CA10: variants seen among roughly 807,000 people sequenced by gnomAD.
CA10 encodes carbonic anhydrase-related protein 10.
A neutral mutation model predicts 44.2 loss-of-function variants in CA10; 14 were observed. The ratio of observed to expected loss-of-function variants is 0.32; its 90% CI spans 0.21 to 0.50. The LOEUF (loss-of-function observed/expected upper bound fraction) is 0.50. Ranked by LOEUF, CA10 falls within the 20% of genes least tolerant of loss-of-function variation. The pLI, the probability that CA10 is intolerant of heterozygous loss-of-function variation, is 0.99. For missense variants in CA10, 350 were observed against 409.7 expected (o/e 0.85, Z 1.26); for synonymous variants, 159 against 141.6 (o/e 1.12, Z -0.87).
chr17:52,143,851 A>G (rs1027132140), intron 1 of CA10, among the ~76,000 whole-genome samples: 2 of 152,198 alleles, frequency 1.3e-5, no homozygotes, highest in African/African-American at 4.8e-5. Flanking sequence ...AAAAGCTCTA[A>G]AGCAGGCTCC....
chr17:52,045,686 T>C (rs375515990), intron 2 of CA10, among the ~76,000 whole-genome samples: 13 of 152,062 alleles, frequency 8.5e-5, no homozygotes, highest in African/African-American at 3.1e-4. Context: ...CCTCATTAAA[T>C]AATTGACATA....
intron 3 of CA10, among the ~76,000 whole-genome samples, chr17:51,784,496 C>A (rs1316093168): frequency 6.6e-6 from 1 of 152,336 alleles, no homozygotes; most frequent in African/African-American, 2.4e-5. Context: ...CACTAACCGA[C>A]CTCTGTTTAT....
At chr17:51,930,344 G>A (rs750959842) in intron 3 of CA10, among the ~76,000 whole-genome samples, 13 of 152,032 alleles carry the variant, frequency 8.6e-5, no homozygotes, top group African/African-American at 3.1e-4. Flanking sequence ...AGCAAGAGAA[G>A]TGCTAAGATT....
chr17:51,919,714 C>T (rs997576835), intron 3 of CA10, among the ~76,000 whole-genome samples: 21 of 152,248 alleles, frequency 1.4e-4, no homozygotes, highest in African/African-American at 3.8e-4. Flanking sequence ...TGCAGTGGCA[C>T]GATCTCTGCT....
rs557998818 is a variant in CA10, at chr17:51,668,654, T to C, written c.466-14918A>G. ...GCTCGCTCTCGGGACCTCCTCGGCCTCTGCATCCACTCTGGCCACACTTGA... is the reference window on the plus strand; with the variant it reads ...GCTCGCTCTCGGGACCTCCTCGGCCCCTGCATCCACTCTGGCCACACTTGA... On this transcript the variant is annotated intron_variant, in intron 4 of 8. Transcript: ENST00000451037. 3.9e-5 allele frequency among the ~76,000 whole-genome samples: 6 copies of C among 152,316 alleles called. No individual in the cohort carries two copies. In the South Asian group the frequency reaches 1.2e-3, roughly 32 times the overall value.
At chr17:51,737,494 A>G (rs1291979591) in intron 4 of CA10, among the ~76,000 whole-genome samples, 2 of 152,278 alleles carry the variant, frequency 1.3e-5, no homozygotes, top group Non-Finnish European at 2.9e-5. Context: ...AAAAAGCCCT[A>G]TCACAGAAGA....
chr17:51,657,046 T>C (rs2143296765), intron 4 of CA10, among the ~76,000 whole-genome samples: 1 of 152,046 alleles, frequency 6.6e-6, no homozygotes, highest in Admixed American at 6.6e-5. Flanking sequence ...CAGGAGAAAA[T>C]AGAGGTGGAG....
intron 1 of CA10, among the ~76,000 whole-genome samples, chr17:52,115,079 G>C (rs1412920536): frequency 6.6e-6 from 1 of 152,204 alleles, no homozygotes; most frequent in African/African-American, 2.4e-5. Flanking sequence ...ATGCCCACAT[G>C]CACTGAAGGA....
intron 3 of CA10, among the ~76,000 whole-genome samples, chr17:51,906,032 G>A (rs988069207): frequency 6.6e-6 from 1 of 152,054 alleles, no homozygotes; most frequent in African/African-American, 2.4e-5. Flanking sequence ...TTGCGTGGAG[G>A]AGGACTTGAC....
chr17:52,075,420 C>A (rs1987792636), intron 1 of CA10, among the ~76,000 whole-genome samples: 1 of 152,122 alleles, frequency 6.6e-6, no homozygotes, highest in African/African-American at 2.4e-5. Context: ...CAATTAAGTA[C>A]CACCTTCTCT....
At chr17:51,959,088 G>C (rs1419141897) in intron 2 of CA10, among the ~76,000 whole-genome samples, 1 of 151,940 alleles carries the variant, frequency 6.6e-6, no homozygotes, top group East Asian at 1.9e-4. Context: ...ATCAAGCAGA[G>C]ACAGGAAATG....
intron 2 of CA10, among the ~76,000 whole-genome samples, chr17:51,956,293 T>G (rs765619104): frequency 7.2e-4 from 109 of 152,156 alleles, no homozygotes; most frequent in Non-Finnish European, 1.4e-3. Context: ...GCATTTATGG[T>G]TAATTGGCCT....
At chr17:51,726,874 A>G (rs935085204) in intron 4 of CA10, among the ~76,000 whole-genome samples, 2 of 152,186 alleles carry the variant, frequency 1.3e-5, no homozygotes, top group East Asian at 3.9e-4. Flanking sequence ...CAGAAAGGGG[A>G]AATGAACTTT....
intron 3 of CA10, among the ~76,000 whole-genome samples, chr17:51,881,341 T>G (rs1980365962): frequency 6.6e-6 from 1 of 151,854 alleles, no homozygotes; most frequent in Admixed American, 6.6e-5. Flanking sequence ...ATGATTAAAT[T>G]AATAGCATAA....
intron 6 of CA10, among the ~76,000 whole-genome samples, chr17:51,643,859 A>C (rs28461935): frequency 0.7 from 106,435 of 152,080 alleles, 37,612 homozygotes; most frequent in South Asian, 0.81. Flanking sequence ...TTGACTCATT[A>C]CCTTGTTTGA....
chr17:52,089,658 T>C (rs1408192273), intron 1 of CA10, among the ~76,000 whole-genome samples: 1 of 152,104 alleles, frequency 6.6e-6, no homozygotes, highest in Non-Finnish European at 1.5e-5. Flanking sequence ...AATTAGGCAT[T>C]GTAAGACATT....
At chr17:51,960,609 C>T (rs1369699364) in intron 2 of CA10, among the ~76,000 whole-genome samples, 1 of 152,098 alleles carries the variant, frequency 6.6e-6, no homozygotes, top group Non-Finnish European at 1.5e-5. Context: ...GAAGTATTGA[C>T]AGTGAACCAT....
At chr17:52,071,937 A>G (rs1987690710) in intron 2 of CA10, among the ~76,000 whole-genome samples, 2 of 152,206 alleles carry the variant, frequency 1.3e-5, no homozygotes. Context: ...AGTGCTGGCC[A>G]TGGATGCTGC....
chr17:52,001,210 G>T (rs540354220), intron 2 of CA10, among the ~76,000 whole-genome samples: 2 of 152,056 alleles, frequency 1.3e-5, no homozygotes, highest in East Asian at 2.0e-4. Flanking sequence ...ATTTTCAAAG[G>T]ATTGTAAAAA....
Sources: gnomAD v4.1 joint callset for allele counts (sites outside exome capture counted in the v4.1 genomes callset) on GRCh38, gnomAD v4.1.1 for gene constraint, MANE v1.5 for transcripts, NCBI Gene and HGNC (gene_info 2026-07-23, HGNC 2026-07-21) for gene names.